AQR: variants seen among roughly 807,000 people sequenced by gnomAD.
AQR encodes the protein RNA helicase aquarius.
A neutral mutation model predicts 180.5 loss-of-function variants in AQR; 61 were observed. The observed-to-expected ratio is 0.34, with a 90% CI of 0.28 to 0.42. The LOEUF is 0.42. AQR is among the 10% of genes least tolerant of loss of function. The pLI is 1.00. For missense variants in AQR, 1,281 were observed against 1,798.3 expected (o/e 0.71, Z 5.20); for synonymous variants, 551 against 588.8 (o/e 0.94, Z 0.93).
intron 34 of AQR, among the ~76,000 whole-genome samples, chr15:34,857,750 CAAGAAA>C (rs1050857982): frequency 2.5e-4 from 38 of 151,036 alleles, no homozygotes; most frequent in African/African-American, 9.0e-4. Flanking sequence ...GATTCTGTCT[CAAGAAA>C]AAGAAAAAGA....
At chr15:34,912,370 T>C (rs1476267147) in intron 16 of AQR, among the ~76,000 whole-genome samples, 1 of 152,142 alleles carries the variant, frequency 6.6e-6, no homozygotes, top group Non-Finnish European at 1.5e-5. Context: ...TTCTCTTCTG[T>C]TTTTCTGTCT....
chr15:34,942,093 T>A lies in AQR; in HGVS notation c.472-13A>T, dbSNP rs1479537144. ...TCAAGTCTACTTCCTGTTTAGGGCA[T>A]GAAGAAAATAAGTTTATAAACATAC... is the stretch of plus-strand genomic sequence containing the variant. On this transcript the variant is annotated splice_polypyrimidine_tract_variant and intron_variant, in intron 6 of 34. Transcript: ENST00000156471. 1 of 1,606,028 alleles carries A rather than the reference T, an allele frequency of 6.2e-7. No homozygotes were observed. Among genetic ancestry groups the A allele is most frequent in the Admixed American group, 1.7e-5 (1 of 59,710 alleles).
chr15:34,920,555 CA>C, intron 13 of AQR, 121 bp from the exon 14 acceptor site: 2 of 703,260 alleles, frequency 2.8e-6, no homozygotes, highest in Non-Finnish European at 4.7e-6. Flanking sequence ...CAGCAAATAT[CA>C]AAAACCAGCA....
chr15:34,882,539 G>A lies in AQR; in HGVS notation c.3128C>T (p.Ala1043Val). 1 of 1,599,700 alleles carries A rather than the reference G, an allele frequency of 6.3e-7. No individual in the cohort carries two copies. Among genetic ancestry groups the A allele is most frequent in the Non-Finnish European group, 8.5e-7 (1 of 1,172,732 alleles). The change falls in exon 27 of 35, where the codon GCC becomes GTC. Residue 1043 changes from alanine (A) to valine (V), a missense_variant. Physicochemically the swap from Ala to Val is moderately conservative, Grantham distance 64. Around this residue, in one of 9 missense-constraint regions of AQR, gnomAD observed 125 missense variants for 185.0 expected, o/e 0.68. Coordinates refer to ENST00000156471, the MANE Select transcript of AQR (RefSeq NM_014691.3). ...CTTGACCAAGTCATGTCGTTTTAAGGCAGCATGAGTACAGGTCATAGCAAT... is the reference window on the plus strand; with the variant it reads ...CTTGACCAAGTCATGTCGTTTTAAGACAGCATGAGTACAGGTCATAGCAAT... ...KIIAMTCTHA[A>V]LKRHDLVKLG...
At chr15:34,929,887 G>A (rs1165597196) in intron 12 of AQR, among the ~76,000 whole-genome samples, 1 of 152,106 alleles carries the variant, frequency 6.6e-6, no homozygotes, top group Non-Finnish European at 1.5e-5. Context: ...AATTACATTG[G>A]TAAATTTCAG....
At chr15:34,915,310 C>T (rs1385139374) in intron 15 of AQR, 131 bp from the exon 16 acceptor site, 6 of 893,148 alleles carry the variant, frequency 6.7e-6, no homozygotes, top group Non-Finnish European at 9.6e-6. Context: ...CCTGCCTCAG[C>T]CTCCTGAGTA....
At position 34,862,977 on chromosome 15, in the gene AQR, C is replaced by T. The variant is rs765590062; in HGVS notation, c.3919G>A (p.Val1307Ile). The T allele has an allele frequency of 6.2e-7, 1 of 1,613,834 alleles. No homozygotes were observed. Among genetic ancestry groups the T allele is most frequent in the African/African-American group, 1.3e-5 (1 of 75,002 alleles). ...ARLGLYIFAR[V>I]SLFQNCFELT... ...TCAAAACAGTTTTGGAAGAGGGATA[C>T]TCTGGCGAAGATATAAAGTCCAAGT... Residue 1307 changes from valine (V) to isoleucine (I), a missense_variant, in exon 33 of 35, where the codon GTA becomes ATA. Coordinates refer to ENST00000156471, the MANE Select transcript of AQR (RefSeq NM_014691.3).
rs368536235 is a variant in AQR, at chr15:34,913,955, CAATT to C, written c.1484+1079_1484+1082del. Among the ~76,000 whole-genome samples, 269 of 152,160 alleles carry C rather than the reference CAATT, an allele frequency of 1.8e-3. 2 individuals are homozygous for C. Among genetic ancestry groups the C allele is most frequent in the Non-Finnish European group, 3.2e-3 (220 of 67,988 alleles). On this transcript the variant is annotated intron_variant, in intron 16 of 34. Coordinates refer to ENST00000156471, the MANE Select transcript of AQR (RefSeq NM_014691.3). ...TCACCCAGAATAACTTTTCACATAACAATTAATTAAAAAATAGAACTCTCTATGA... is the reference window on the plus strand; with the variant it reads ...TCACCCAGAATAACTTTTCACATAACAATTAAAAAATAGAACTCTCTATGA...
chr15:34,957,205 G>A (rs1398804341), intron 3 of AQR, among the ~76,000 whole-genome samples: 1 of 151,752 alleles, frequency 6.6e-6, no homozygotes, highest in African/African-American at 2.4e-5. Context: ...CGCCCAGGCT[G>A]GAGTAGAGTG....
intron 15 of AQR, among the ~76,000 whole-genome samples, chr15:34,915,771 C>G (rs1170079680): frequency 6.6e-6 from 1 of 151,570 alleles, no homozygotes; most frequent in African/African-American, 2.4e-5. Context: ...ATAGTGAAAC[C>G]CCATCTCTAC....
chr15:34,959,583 A>T (rs1490915043), intron 3 of AQR, among the ~76,000 whole-genome samples: 1 of 152,212 alleles, frequency 6.6e-6, no homozygotes, highest in African/African-American at 2.4e-5. Flanking sequence ...ATAAAGATCT[A>T]CACCCAATCC....
At chr15:34,857,542 G>A (rs1488677043) in intron 34 of AQR, among the ~76,000 whole-genome samples, 1 of 152,168 alleles carries the variant, frequency 6.6e-6, no homozygotes, top group Admixed American at 6.5e-5. Flanking sequence ...TTGAGGCCAG[G>A]AGTTCGAGAC....
chr15:34,874,403 T>C, intron 29 of AQR: 1 of 412,274 alleles, frequency 2.4e-6, no homozygotes. Context: ...TGTATATCTT[T>C]TGGGGACATG....
At chr15:34,948,195 A>C in intron 5 of AQR, 69 bp downstream of exon 5, 1 of 1,544,542 alleles carries the variant, frequency 6.5e-7, no homozygotes, top group South Asian at 1.3e-5. Context: ...CTATCAGTAA[A>C]AGTTCTGCCA....
intron 1 of AQR, among the ~76,000 whole-genome samples, chr15:34,968,691 G>C (rs906832110): frequency 6.6e-6 from 1 of 152,150 alleles, no homozygotes; most frequent in African/African-American, 2.4e-5. Flanking sequence ...CGATACCTTG[G>C]TCCAGGCAGA....
chr15:34,882,946 A>G (rs960112353), intron 26 of AQR, among the ~76,000 whole-genome samples: 2 of 152,212 alleles, frequency 1.3e-5, no homozygotes, highest in Non-Finnish European at 2.9e-5. Flanking sequence ...GAAAATAGAA[A>G]TGATTTCAGG....
chr15:34,940,526 G>A (rs567401616), intron 8 of AQR, among the ~76,000 whole-genome samples: 5 of 151,868 alleles, frequency 3.3e-5, no homozygotes, highest in Admixed American at 2.0e-4. Flanking sequence ...GCGAAACTCC[G>A]TCTCAAAAAA....
chr15:34,966,519 C>A (rs1020770096), intron 1 of AQR, among the ~76,000 whole-genome samples: 4 of 152,188 alleles, frequency 2.6e-5, no homozygotes, highest in Non-Finnish European at 4.4e-5. Flanking sequence ...CCCTTATACC[C>A]CAATCTGGCA....
chr15:34,859,105 C>G (rs1892632695), intron 34 of AQR, among the ~76,000 whole-genome samples: 1 of 152,064 alleles, frequency 6.6e-6, no homozygotes, highest in Non-Finnish European at 1.5e-5. Context: ...TTGAAAGACA[C>G]TTACAAAATA....
Sources: gnomAD v4.1 joint callset for allele counts (sites outside exome capture counted in the v4.1 genomes callset) on GRCh38, gnomAD v4.1.1 for gene constraint, gnomAD v4.1.1 regional missense constraint, MANE v1.5 for transcripts, NCBI Gene and HGNC (gene_info 2026-07-23, HGNC 2026-07-21) for gene names.